Variants in FRYL observed in about 807,000 individuals in gnomAD.
The protein encoded by FRYL is FRY like transcription coactivator.
A neutral mutation model predicts 351.2 loss-of-function variants in FRYL; 150 were observed. That is an observed-to-expected ratio of 0.43 (90% CI 0.37 to 0.49). The LOEUF (loss-of-function observed/expected upper bound fraction) is 0.49, where lower values mean the gene tolerates loss of function less well. Among genes scored for constraint, FRYL ranks in the 20% least tolerant of loss-of-function variants. The pLI, the probability that FRYL is intolerant of heterozygous loss-of-function variation, is 0.00. For missense variants in FRYL, 3,036 were observed against 3,619.3 expected (o/e 0.84, Z 4.13); for synonymous variants, 1,153 against 1,257.1 (o/e 0.92, Z 1.75).
intron 1 of FRYL, among the ~76,000 whole-genome samples, chr4:48,764,783 A>C (rs1263623219): frequency 2.0e-5 from 3 of 152,222 alleles, no homozygotes; most frequent in African/African-American, 7.2e-5. Context: ...ACTCAAAGCA[A>C]TTTATAGATT....
At chr4:48,759,167 A>G (rs1466575505) in intron 1 of FRYL, among the ~76,000 whole-genome samples, 2 of 152,264 alleles carry the variant, frequency 1.3e-5, no homozygotes, top group African/African-American at 4.8e-5. Flanking sequence ...CCAACATGGC[A>G]CATGTATACA....
At position 48,582,612 on chromosome 4, in the gene FRYL, C is replaced by A; in HGVS notation, c.1871G>T (p.Arg624Leu). The stretch of plus-strand genomic sequence containing the variant: ...TGTGGGATGGACATCAGTCACTTCA[C>A]GAACAATAAAATAAACAAATCCTGA... ...VLSGFVYFIV[R>L]EVTDVHPTLL... Residue 624 changes from arginine to leucine, a missense_variant, in exon 20 of 64, where the codon CGT becomes CTT. Physicochemically the swap from Arg to Leu is moderately radical, Grantham distance 102. This residue lies in a region of FRYL where 492 missense variants were observed against 551.5 expected (regional missense o/e 0.89). Transcript: ENST00000358350. 4 of 1,613,572 alleles carry A rather than the reference C, an allele frequency of 2.5e-6. No individual in the cohort carries two copies. Among genetic ancestry groups the A allele is most frequent in the Non-Finnish European group, 3.4e-6 (4 of 1,179,622 alleles).
At chr4:48,705,352 C>T (rs1195569781) in intron 2 of FRYL, among the ~76,000 whole-genome samples, 2 of 150,528 alleles carry the variant, frequency 1.3e-5, no homozygotes, top group African/African-American at 2.4e-5. Flanking sequence ...ATCCAAGTCC[C>T]CATCAATTGG....
intron 26 of FRYL, among the ~76,000 whole-genome samples, chr4:48,572,248 A>C (rs1398054793): frequency 1.3e-5 from 2 of 152,224 alleles, no homozygotes; most frequent in African/African-American, 2.4e-5. Flanking sequence ...AGGGATTCTC[A>C]TTCAATAGAC....
rs1736973157 is a variant in FRYL at position 48,567,190 on chromosome 4, G to C, written c.3169+58C>G. 2.8e-6 allele frequency: 4 copies of C among 1,422,080 alleles called. No individual in the cohort carries two copies. The highest frequency in any genetic ancestry group is 3.8e-6 in the Non-Finnish European group (4 of 1,049,058). 88.1% of individuals were successfully genotyped at this position (1,422,080 alleles called of 1,614,324 possible). ...CTTAGATTATTAAACCTCAAGGAAAGAAAAAATATGACGGTTCCTTAATAC... is the reference window on the plus strand; with the variant it reads ...CTTAGATTATTAAACCTCAAGGAAACAAAAAATATGACGGTTCCTTAATAC... On this transcript the variant is annotated intron_variant, in intron 28 of 63. Transcript: ENST00000358350. This position sits in a 1 kb window ranked among gnomAD's most constrained non-coding sequence, Gnocchi z 4.2.
chr4:48,718,967 A>G (rs1024695577), intron 1 of FRYL, among the ~76,000 whole-genome samples: 3 of 151,396 alleles, frequency 2.0e-5, no homozygotes, highest in African/African-American at 7.3e-5. Flanking sequence ...ACTATCAGCC[A>G]TTTGCACTCT....
At chr4:48,670,478 T>A (rs776588) in intron 3 of FRYL, among the ~76,000 whole-genome samples, 61,748 of 149,632 alleles carry the variant, frequency 0.41, 14,057 homozygotes, top group Admixed American at 0.56. Flanking sequence ...ATATATATAA[T>A]TTTTTTTACT....
At chr4:48,773,734 T>C (rs755817270) in intron 1 of FRYL, among the ~76,000 whole-genome samples, 1 of 152,206 alleles carries the variant, frequency 6.6e-6, no homozygotes, top group Non-Finnish European at 1.5e-5. Flanking sequence ...AAGATCAGCC[T>C]AGGCAACATG....
chr4:48,739,400 CAAAAA>C (rs1370572101), intron 1 of FRYL, among the ~76,000 whole-genome samples: 1 of 33,618 alleles, frequency 3.0e-5, no homozygotes. Context: ...GACTCCGTCT[CAAAAA>C]AAAAAAAAAA....
At chr4:48,727,265 T>C (rs927655234) in intron 1 of FRYL, among the ~76,000 whole-genome samples, 5 of 151,966 alleles carry the variant, frequency 3.3e-5, no homozygotes, top group African/African-American at 4.8e-5. Context: ...TGAAAGAAGC[T>C]TGGAAGTCAT....
At position 48,507,971 on chromosome 4, in the gene FRYL, A is replaced by G. The variant is rs575840190; in HGVS notation, c.8394+2088T>C. Among the ~76,000 whole-genome samples the G allele has an allele frequency of 1.8e-3, 275 of 152,342 alleles. 2 individuals are homozygous for G. The highest frequency in any genetic ancestry group is 6.2e-3 in the African/African-American group (257 of 41,582). On this transcript the variant is annotated intron_variant, in intron 59 of 63. Transcript: ENST00000358350. ...ATTCAATTCACCTGTGAGCCTTAGCAGTCTTGAATAATAATAAAAAGAATG... is the reference window on the plus strand; with the variant it reads ...ATTCAATTCACCTGTGAGCCTTAGCGGTCTTGAATAATAATAAAAAGAATG...
intron 37 of FRYL, among the ~76,000 whole-genome samples, chr4:48,550,988 C>T (rs1260055689): frequency 6.6e-6 from 1 of 151,760 alleles, no homozygotes; most frequent in East Asian, 1.9e-4. Flanking sequence ...AGGAGAATTG[C>T]TTGAACCTGG....
chr4:48,635,625 T>C (rs573789229), intron 3 of FRYL, among the ~76,000 whole-genome samples: 1 of 152,332 alleles, frequency 6.6e-6, no homozygotes, highest in Admixed American at 6.5e-5. Flanking sequence ...TCTGTTCTTC[T>C]GACTGCCTGG....
At chr4:48,689,982 C>T (rs527488725) in intron 2 of FRYL, among the ~76,000 whole-genome samples, 23 of 150,730 alleles carry the variant, frequency 1.5e-4, no homozygotes, top group South Asian at 6.3e-4. Flanking sequence ...CTGCAAGCTC[C>T]GCCTCCCGGG....
chr4:48,690,196 C>T (rs1272972250), intron 2 of FRYL, among the ~76,000 whole-genome samples: 3 of 151,944 alleles, frequency 2.0e-5, no homozygotes, highest in Non-Finnish European at 4.4e-5. Flanking sequence ...TGAGCCACCG[C>T]GCCCGGCCAG....
chr4:48,708,341 C>A (rs1767617778), intron 2 of FRYL, among the ~76,000 whole-genome samples: 2 of 151,960 alleles, frequency 1.3e-5, no homozygotes, highest in Admixed American at 1.3e-4. Flanking sequence ...GTAGCACACA[C>A]CTGTCATCCC....
At chr4:48,742,853 C>A (rs1281302083) in intron 1 of FRYL, among the ~76,000 whole-genome samples, 1 of 151,790 alleles carries the variant, frequency 6.6e-6, no homozygotes, top group African/African-American at 2.4e-5. Flanking sequence ...CAGAGTTTGG[C>A]TGGAGTGCAA....
chr4:48,651,213 CGTGTGTGTGTGTGTGTGT>C (rs10604700), intron 3 of FRYL, among the ~76,000 whole-genome samples: 5 of 104,962 alleles, frequency 4.8e-5, no homozygotes, highest in South Asian at 3.7e-4. Context: ...CCACATGCAC[CGTGTGTGTGTGTGTGTGT>C]GTGTGTGTGT....
At position 48,581,523 on chromosome 4, in the gene FRYL, A is replaced by C. The variant is rs1462067414; in HGVS notation, c.2069T>G (p.Phe690Cys). Residue 690 changes from phenylalanine (F) to cysteine (C), a missense_variant, in exon 21 of 64, where the codon TTT (phenylalanine) becomes TGT (cysteine). Physicochemically the swap from Phe to Cys is radical, Grantham distance 205. Around this residue, in one of 7 missense-constraint regions of FRYL, gnomAD observed 492 missense variants for 551.5 expected, o/e 0.89. Transcript: ENST00000358350. The part of the protein sequence containing the change: ...YSNVFHVVEG[F>C]ALVILCSSRP... ...ACTGCTACAGAGAATGACAAGCGCA[A>C]AGCCTTCAACCACATGGAATACATT... 1.9e-6 allele frequency: 3 copies of C among 1,614,076 alleles called. No homozygotes were observed. Among genetic ancestry groups the C allele is most frequent in the Middle Eastern group, 3.3e-4 (2 of 6,060 alleles).
Sources: allele counts gnomAD v4.1 joint callset (sites outside exome capture counted in the v4.1 genomes callset), GRCh38; gene constraint gnomAD v4.1.1; regional missense constraint gnomAD v4.1.1; non-coding constraint Gnocchi (gnomAD v3.1); transcripts MANE v1.5; gene names NCBI Gene and HGNC (gene_info 2026-07-23, HGNC 2026-07-21).